The following FMN1 variants were observed in gnomAD, a reference collection of about 807,000 sequenced individuals.
The protein encoded by FMN1 is formin 1, also known as formin-1.
A neutral mutation model predicts 132.4 loss-of-function variants in FMN1; 110 were observed. The ratio of observed to expected loss-of-function variants is 0.83; its 90% confidence interval spans 0.71 to 0.97. The LOEUF (loss-of-function observed/expected upper bound fraction) is 0.97, where lower values mean the gene tolerates loss of function less well. Among genes scored for constraint, FMN1 ranks in the 50% least tolerant of loss-of-function variants. FMN1 has a pLI of 0.00. For missense variants in FMN1, 1,792 were observed against 1,705.3 expected (o/e 1.05, Z -0.90); for synonymous variants, 722 against 651.7 (o/e 1.11, Z -1.64).
chr15:33,068,010 A>C, intron 5 of FMN1: 1 of 1,452,306 alleles, frequency 6.9e-7, no homozygotes, highest in Non-Finnish European at 9.0e-7. Context: ...TCAGGCTGTC[A>C]GCCGCACAGC....
At chr15:33,048,630 C>CAAAAAAAA (rs1566865254) in intron 6 of FMN1, among the ~76,000 whole-genome samples, 1 of 11,440 alleles carries the variant, frequency 8.7e-5, no homozygotes, top group African/African-American at 2.7e-4. Context: ...GGGCAATTTA[C>CAAAAAAAA]CAAAAAAAAA....
chr15:32,883,715 T>C (rs772559634), intron 16 of FMN1, among the ~76,000 whole-genome samples: 8 of 152,012 alleles, frequency 5.3e-5, no homozygotes, highest in Non-Finnish European at 7.4e-5. Context: ...AAGTACCTTT[T>C]ACACAACTTA....
chr15:32,998,823 C>A (rs1368700267), intron 7 of FMN1, among the ~76,000 whole-genome samples: 1 of 152,188 alleles, frequency 6.6e-6, no homozygotes, highest in Non-Finnish European at 1.5e-5. Flanking sequence ...CCATCATTGG[C>A]CCCCATGATA....
intron 15 of FMN1, among the ~76,000 whole-genome samples, chr15:32,890,211 T>G (rs1229953843): frequency 6.6e-6 from 1 of 152,242 alleles, no homozygotes; most frequent in African/African-American, 2.4e-5. Flanking sequence ...TTTGCAATTG[T>G]GAACTGTGCT....
chr15:32,954,170 C>T (rs1197788039), intron 9 of FMN1, among the ~76,000 whole-genome samples: 1 of 152,060 alleles, frequency 6.6e-6, no homozygotes, highest in East Asian at 1.9e-4. Context: ...ACTTCAATAC[C>T]CCCACTACAT....
At chr15:32,929,362 T>A (rs2061045976) in intron 9 of FMN1, among the ~76,000 whole-genome samples, 1 of 152,218 alleles carries the variant, frequency 6.6e-6, no homozygotes, top group Admixed American at 6.5e-5. Context: ...ATGTCCTAAA[T>A]CCTCTTAGTC....
intron 7 of FMN1, among the ~76,000 whole-genome samples, chr15:32,997,183 C>G (rs1185623814): frequency 6.6e-6 from 1 of 152,144 alleles, no homozygotes; most frequent in Non-Finnish European, 1.5e-5. Flanking sequence ...AGAAATAAAG[C>G]TGGAAAGAGA....
At chr15:32,794,339 T>C (rs1405446891) in intron 19 of FMN1, among the ~76,000 whole-genome samples, 1 of 152,244 alleles carries the variant, frequency 6.6e-6, no homozygotes, top group Non-Finnish European at 1.5e-5. Context: ...GGTTTTTAAA[T>C]GGCACTTTTA....
At chr15:33,047,245 TGAAG>T (rs1346233735) in intron 6 of FMN1, among the ~76,000 whole-genome samples, 1 of 152,182 alleles carries the variant, frequency 6.6e-6, no homozygotes, top group African/African-American at 2.4e-5. Flanking sequence ...TAGTTACCTT[TGAAG>T]ATTCTAGATT....
Position 32,780,986 on chromosome 15 carries a change from T to C in FMN1, c.4131-4067A>G, listed in dbSNP as rs185943205. ...CTCAATAATTTCATGATAGAGGTTATTGCTAGAAAGATCTGGGAAGAGAAT... is the reference window on the plus strand; with the variant it reads ...CTCAATAATTTCATGATAGAGGTTACTGCTAGAAAGATCTGGGAAGAGAAT... On this transcript the variant is annotated intron_variant, in intron 19 of 20. Coordinates refer to ENST00000616417, the MANE Select transcript of FMN1 (RefSeq NM_001277313.2). 9.8e-5 allele frequency among the ~76,000 whole-genome samples: 15 copies of C among 152,286 alleles called. No individual in the cohort carries two copies. The East Asian group carries it at 1.9e-3, about 20-fold the overall frequency.
At chr15:32,786,973 G>C (rs1442185115) in intron 19 of FMN1, among the ~76,000 whole-genome samples, 1 of 152,230 alleles carries the variant, frequency 6.6e-6, no homozygotes, top group Non-Finnish European at 1.5e-5. Flanking sequence ...GTCCAACTTT[G>C]ATTCTAAATA....
intron 6 of FMN1, among the ~76,000 whole-genome samples, chr15:33,015,310 T>C (rs2034977693): frequency 6.6e-6 from 1 of 152,160 alleles, no homozygotes; most frequent in Admixed American, 6.5e-5. Context: ...AAAAGGGGAA[T>C]GCTAATTTTA....
At chr15:32,923,549 A>G (rs1367199415) in intron 10 of FMN1, among the ~76,000 whole-genome samples, 1 of 152,210 alleles carries the variant, frequency 6.6e-6, no homozygotes, top group Non-Finnish European at 1.5e-5. Flanking sequence ...GAAAACGAAC[A>G]ATAAAGTTCC....
At chr15:32,789,856 CA>C (rs1408089302) in intron 19 of FMN1, among the ~76,000 whole-genome samples, 6 of 152,164 alleles carry the variant, frequency 3.9e-5, no homozygotes, top group Non-Finnish European at 8.8e-5. Context: ...CATTGTGTTA[CA>C]ATTATATTCA....
chr15:33,123,981 A>G (rs1962811062), intron 4 of FMN1, among the ~76,000 whole-genome samples: 3 of 152,258 alleles, frequency 2.0e-5, no homozygotes. Context: ...CTTCCAGCTC[A>G]GTAACCATAG....
intron 10 of FMN1, among the ~76,000 whole-genome samples, chr15:32,922,765 T>G (rs144259801): frequency 6.6e-6 from 1 of 152,350 alleles, no homozygotes; most frequent in African/African-American, 2.4e-5. Flanking sequence ...GGCCTGTAAG[T>G]ACTTCTATTC....
At chr15:33,098,012 T>C (rs2039152576) in intron 4 of FMN1, among the ~76,000 whole-genome samples, 1 of 152,074 alleles carries the variant, frequency 6.6e-6, no homozygotes, top group African/African-American at 2.4e-5. Flanking sequence ...ACAAAACAAG[T>C]CTCAATGAAT....
At chr15:32,942,094 T>TGC (rs1488205449) in intron 9 of FMN1, among the ~76,000 whole-genome samples, 1 of 152,204 alleles carries the variant, frequency 6.6e-6, no homozygotes, top group Non-Finnish European at 1.5e-5. Context: ...TCCAGACCCC[T>TGC]GCCACATGCC....
At chr15:33,174,540 A>C (rs907534235) in intron 3 of FMN1, among the ~76,000 whole-genome samples, 2 of 152,214 alleles carry the variant, frequency 1.3e-5, no homozygotes, top group African/African-American at 4.8e-5. Context: ...TAATACTCCA[A>C]ATCATAAATT....
Sources: gnomAD v4.1 joint callset for allele counts (sites outside exome capture counted in the v4.1 genomes callset) on GRCh38, gnomAD v4.1.1 for gene constraint, MANE v1.5 for transcripts, NCBI Gene and HGNC (gene_info 2026-07-23, HGNC 2026-07-21) for gene names.